The following CSNK1G2 variants were observed in gnomAD, a reference collection of about 807,000 sequenced individuals.
CSNK1G2 encodes the protein casein kinase I isoform gamma-2.
A neutral mutation model predicts 48.0 loss-of-function variants in CSNK1G2; 11 were observed. The ratio of observed to expected loss-of-function variants is 0.23; its 90% CI spans 0.14 to 0.38. The LOEUF is 0.38. Ranked by LOEUF, CSNK1G2 falls within the 10% of genes least tolerant of loss-of-function variation. The probability of loss-of-function intolerance (pLI) is 1.00; values close to 1 mark genes in which losing one functional copy is unlikely to be tolerated. For synonymous variants in CSNK1G2, 337 were observed against 254.1 expected (o/e 1.33, Z -3.10); for missense variants, 446 against 595.5 (o/e 0.75, Z 2.61).
intron 1 of CSNK1G2, among the ~76,000 whole-genome samples, chr19:1,950,973 A>AG (rs1250913649): frequency 6.8e-6 from 1 of 146,116 alleles, no homozygotes; most frequent in Non-Finnish European, 1.5e-5. Context: ...CCCAGTTTTC[A>AG]GGGGAGACCA....
chr19:1,965,215 C>T (rs867146021), intron 1 of CSNK1G2, among the ~76,000 whole-genome samples: 1 of 149,760 alleles, frequency 6.7e-6, no homozygotes, highest in African/African-American at 2.4e-5. Flanking sequence ...AACCGCGTCT[C>T]TACTAAAAAT....
chr19:1,961,071 C>T (rs1336998183), intron 1 of CSNK1G2, among the ~76,000 whole-genome samples: 1 of 152,224 alleles, frequency 6.6e-6, no homozygotes, highest in Non-Finnish European at 1.5e-5. Flanking sequence ...GGATGCGTCG[C>T]CCCCGCATGG....
chr19:1,979,288 C>T (rs368738419), intron 7 of CSNK1G2, 31 bp from the exon 8 acceptor site: 22 of 1,576,264 alleles, frequency 1.4e-5, no homozygotes, highest in Admixed American at 1.9e-5. Flanking sequence ...GGACGCAGGG[C>T]GGGAGCAAGG....
chr19:1,971,451 C>T (rs2015565925), intron 2 of CSNK1G2, among the ~76,000 whole-genome samples: 2 of 152,266 alleles, frequency 1.3e-5, no homozygotes, highest in Non-Finnish European at 1.5e-5. Context: ...GGAGCTGTGG[C>T]CTCCCAACCC....
Position 1,979,542 on chromosome 19 carries a change from G to T in CSNK1G2, c.901G>T (p.Glu301Ter). 6.2e-7 allele frequency: 1 copy of T among 1,608,116 alleles called. No homozygotes were observed. The highest frequency in any genetic ancestry group is 8.5e-7 in the Non-Finnish European group (1 of 1,179,726). ...LRYVRRLDFF[E>*]KPDYDYLRKL... ...CTATGTGCGGCGCCTGGACTTCTTC[G>T]AGAAGCCCGACTATGACTACCTGCG... is the stretch of plus-strand genomic sequence containing the variant. Residue 301 changes from glutamate (E) to a stop codon, truncating the protein, a stop_gained, in exon 9 of 12, where the codon GAG becomes TAG. Transcript: ENST00000255641. LOFTEE classifies it high-confidence loss of function.
chr19:1,951,819 C>T (rs8108522), intron 1 of CSNK1G2, among the ~76,000 whole-genome samples: 5,291 of 127,860 alleles, frequency 0.041, 447 homozygotes, highest in African/African-American at 0.093. Flanking sequence ...CAGCTGGGAC[C>T]ACAGGCGCCC....
rs1016303706 is a variant in CSNK1G2, at chr19:1,980,372, C to T, written c.*169C>T. The T allele has an allele frequency of 1.1e-5, 8 of 760,900 alleles. No homozygotes were observed. Among genetic ancestry groups the T allele is most frequent in the African/African-American group, 1.8e-5 (1 of 56,424 alleles). 47.1% of individuals were successfully genotyped at this position (760,900 alleles called of 1,614,324 possible). On this transcript the variant is annotated 3_prime_UTR_variant, in exon 12 of 12. Coordinates refer to ENST00000255641, the MANE Select transcript of CSNK1G2 (RefSeq NM_001319.7). ...GGCTCAGGCGGCCCCACCCCCGGGA[C>T]GTGGGGTCACTTCCTTCATGTAAGA...
At chr19:1,977,060 G>C (rs974990097) in intron 2 of CSNK1G2, among the ~76,000 whole-genome samples, 1 of 152,196 alleles carries the variant, frequency 6.6e-6, no homozygotes, top group Admixed American at 6.5e-5. Context: ...ATTCTGCAGC[G>C]TATGCTACTC....
At chr19:1,965,733 A>G (rs911417830) in intron 1 of CSNK1G2, among the ~76,000 whole-genome samples, 1 of 152,016 alleles carries the variant, frequency 6.6e-6, no homozygotes, top group African/African-American at 2.4e-5. Flanking sequence ...CCTGAGCTCA[A>G]AGCAGTCTGC....
At position 1,957,895 on chromosome 19, in the gene CSNK1G2, C is replaced by T. The variant is rs930936691; in HGVS notation, c.-265-11613C>T. Reference sequence around the variant, plus strand: ...GGCGGGCACTGTGTGTGTGGCACGGCCACTGCTTAGGGCCCCCTGGAGCTG... The same window carrying T: ...GGCGGGCACTGTGTGTGTGGCACGGTCACTGCTTAGGGCCCCCTGGAGCTG... On this transcript the variant is annotated intron_variant, in intron 1 of 11. Coordinates refer to ENST00000255641, the MANE Select transcript of CSNK1G2 (RefSeq NM_001319.7). This position sits in a 1 kb window ranked among gnomAD's most constrained non-coding sequence, Gnocchi z 5.4. Among the ~76,000 whole-genome samples the T allele has an allele frequency of 6.6e-6, 1 of 152,036 alleles. No individual in the cohort carries two copies. Among genetic ancestry groups the T allele is most frequent in the Non-Finnish European group, 1.5e-5 (1 of 67,972 alleles).
rs1470465136 is a variant in CSNK1G2, at chr19:1,978,923, TC to T, written c.514del (p.Leu172TrpfsTer41). On this transcript the variant is annotated frameshift_variant, in exon 6 of 12. Coordinates refer to ENST00000255641, the MANE Select transcript of CSNK1G2 (RefSeq NM_001319.7). LOFTEE classifies it high-confidence loss of function. The surrounding 1 kb of genome is among the most constrained non-coding windows in gnomAD (Gnocchi z 7.3). ...TACCGGGACGTGAAGCCCGAGAACT[TC>T]CTGGTGGGCCGCCCGGGGACCAAGC... ...LIYRDVKPEN[F>X]LVGRPGTKRQ... 1 of 1,602,294 alleles carries T rather than the reference TC, an allele frequency of 6.2e-7. No individual in the cohort carries two copies. The highest frequency in any genetic ancestry group is 8.5e-7 in the Non-Finnish European group (1 of 1,179,542).
chr19:1,980,099 G>T, intron 11 of CSNK1G2, 50 bp from the exon 12 acceptor site: 1 of 1,609,036 alleles, frequency 6.2e-7, no homozygotes. Context: ...GGCCTGGGCT[G>T]CCCCCGCCCT....
intron 2 of CSNK1G2, among the ~76,000 whole-genome samples, chr19:1,970,190 C>T (rs2015518277): frequency 6.6e-6 from 1 of 152,216 alleles, no homozygotes. Context: ...TTTCGGGAAA[C>T]AGTTCTGTTG....
intron 2 of CSNK1G2, among the ~76,000 whole-genome samples, chr19:1,971,117 C>T (rs539328601): frequency 3.3e-5 from 5 of 152,306 alleles, no homozygotes; most frequent in African/African-American, 7.2e-5. Flanking sequence ...AGTTGCCACT[C>T]GTGGGCAGAA....
At chr19:1,956,261 G>A (rs780076493) in intron 1 of CSNK1G2, among the ~76,000 whole-genome samples, 3 of 152,206 alleles carry the variant, frequency 2.0e-5, no homozygotes, top group Non-Finnish European at 4.4e-5. Flanking sequence ...CAGCGCTCAC[G>A]TCACAGGTTC....
rs554836247 is a variant in CSNK1G2, at chr19:1,954,054, A to C, written c.-266+12636A>C. Reference sequence around the variant, plus strand: ...TGCCCATCCCTGGCGTTCACTCCTCAGCTTCCTCCCATGGGGTGGGCGGCT... The same window carrying C: ...TGCCCATCCCTGGCGTTCACTCCTCCGCTTCCTCCCATGGGGTGGGCGGCT... On this transcript the variant is annotated intron_variant, in intron 1 of 11. Coordinates refer to ENST00000255641, the MANE Select transcript of CSNK1G2 (RefSeq NM_001319.7). 5.8e-6 allele frequency: 3 copies of C among 521,098 alleles called. No homozygotes were observed. In the African/African-American group the frequency reaches 5.8e-5, roughly 10 times the overall value. The allele number at this position is 521,098 out of a possible 1,614,324, so 32.3% of individuals were successfully genotyped here. A position where few individuals can be genotyped will look rare whatever the true frequency, so the allele number is the denominator to read the frequency against.
In CSNK1G2 at chr19:1,962,658, G is replaced by A. The variant is rs561118055; in HGVS notation, c.-265-6850G>A. ...AGCCTGGGCGACAGAGCCAGACCCT[G>A]TCTCAAAACAAACACAAAAGCTCAC... On this transcript the variant is annotated intron_variant, in intron 1 of 11. Coordinates refer to ENST00000255641, the MANE Select transcript of CSNK1G2 (RefSeq NM_001319.7). 2.1e-3 allele frequency among the ~76,000 whole-genome samples: 325 copies of A among 152,284 alleles called. 2 individuals are homozygous for A. The highest frequency in any genetic ancestry group is 0.011 in the South Asian group (52 of 4,824).
chr19:1,960,223 C>T (rs574764819), intron 1 of CSNK1G2, among the ~76,000 whole-genome samples: 3 of 152,330 alleles, frequency 2.0e-5, no homozygotes, highest in Non-Finnish European at 2.9e-5. Context: ...GGGGCCTTCT[C>T]GCCCTCAGTC....
chr19:1,960,837 C>T (rs1224974054), intron 1 of CSNK1G2, among the ~76,000 whole-genome samples: 2 of 152,108 alleles, frequency 1.3e-5, no homozygotes, highest in African/African-American at 4.8e-5. Flanking sequence ...TGCGGTGAGC[C>T]GAGATCGCAC....
Sources: allele counts gnomAD v4.1 joint callset (sites outside exome capture counted in the v4.1 genomes callset), GRCh38; gene constraint gnomAD v4.1.1; non-coding constraint Gnocchi (gnomAD v3.1); transcripts MANE v1.5; gene names NCBI Gene and HGNC (gene_info 2026-07-23, HGNC 2026-07-21).